The following TMX1 variants were observed in gnomAD, a reference collection of about 807,000 sequenced individuals.
TMX1 encodes the protein thioredoxin-related transmembrane protein 1.
Under a neutral mutation model 36.6 loss-of-function variants are expected in TMX1, and 25 were observed. That is an observed-to-expected ratio of 0.68 (90% CI 0.50 to 0.95). TMX1 has a LOEUF of 0.95. TMX1 is among the 40% of genes least tolerant of loss of function. TMX1 has a pLI of 0.00. For missense variants in TMX1, 347 were observed against 339.6 expected, an observed-to-expected ratio of 1.02 and a Z score of -0.17; for synonymous variants, 133 against 118.0, an observed-to-expected ratio of 1.13 and a Z score of -0.82.
intron 7 of TMX1, 65 bp downstream of exon 7, chr14:51,249,830 T>A: frequency 4.1e-6 from 5 of 1,226,472 alleles, no homozygotes; most frequent in Non-Finnish European, 4.6e-6. Context: ...GTAATCACAA[T>A]CACACATTTC....
At position 51,243,858 on chromosome 14, in the gene TMX1, A is replaced by G; in HGVS notation, c.155A>G (p.Tyr52Cys). Residue 52 changes from tyrosine to cysteine, a missense_variant and splice_region_variant, in exon 2 of 8, where the codon TAT becomes TGT. By Grantham distance (194) the Tyr-to-Cys change is radical. Coordinates refer to ENST00000457354, the MANE Select transcript of TMX1 (RefSeq NM_030755.5). ...AAAAAAAAATCTGTATTTCTTAGTT[A>G]TGCCCCGTGGTGCCCTGCTTGTCAA... ...LLEGDWMIEF[Y>C]APWCPACQNL... 6.2e-7 allele frequency: 1 copy of G among 1,603,856 alleles called. No homozygotes were observed. Among genetic ancestry groups the G allele is most frequent in the Middle Eastern group, 1.7e-4 (1 of 6,028 alleles).
chr14:51,245,845 T>G (rs2065783060), intron 3 of TMX1: 1 of 265,200 alleles, frequency 3.8e-6, no homozygotes, highest in Non-Finnish European at 7.4e-6. Flanking sequence ...AAAGTGCTGT[T>G]GTACAGCCTT....
chr14:51,241,715 G>A (rs2065762315), intron 1 of TMX1, among the ~76,000 whole-genome samples: 1 of 152,190 alleles, frequency 6.6e-6, no homozygotes, highest in East Asian at 1.9e-4. Flanking sequence ...ACAGGGTTCA[G>A]GTGAGTGTTT....
Position 51,249,552 on chromosome 14 carries a change from G to A in TMX1, c.574G>A (p.Gly192Arg), listed in dbSNP as rs768694076. ...TTTTGCTTTAGCAACTCTGTTTTCCGGACTGTTATTAGGACTCGTAAGTAT... is the reference window on the plus strand; with the variant it reads ...TTTTGCTTTAGCAACTCTGTTTTCCAGACTGTTATTAGGACTCGTAAGTAT... ...TVFALATLFS[G>R]LLLGLCMIFV... is the part of the protein sequence containing the mutation. The change falls in exon 6 of 8, where the codon GGA (glycine) becomes AGA (arginine). Residue 192 changes from glycine (G) to arginine (R), a missense_variant. Transcript: ENST00000457354. 2.5e-6 allele frequency: 4 copies of A among 1,613,214 alleles called. No homozygotes were observed. Among genetic ancestry groups the A allele is most frequent in the South Asian group, 1.1e-5 (1 of 90,992 alleles).
intron 1 of TMX1, among the ~76,000 whole-genome samples, chr14:51,240,948 G>A (rs5022336): frequency 1 from 152,258 of 152,300 alleles, 76,108 homozygotes; most frequent in Non-Finnish European, 1. Context: ...TTAATGGATT[G>A]GGTACGTTTC....
chr14:51,252,524 C>G (rs1426053078), intron 7 of TMX1, among the ~76,000 whole-genome samples: 1 of 152,016 alleles, frequency 6.6e-6, no homozygotes, highest in Non-Finnish European at 1.5e-5. Context: ...CATTATGACA[C>G]TTAGGAGATA....
chr14:51,253,298 TC>T (rs1298004073), intron 7 of TMX1, among the ~76,000 whole-genome samples: 1 of 152,226 alleles, frequency 6.6e-6, no homozygotes, highest in Admixed American at 6.5e-5. Flanking sequence ...TGTTAAGTGT[TC>T]CTTGAGGAGG....
intron 7 of TMX1, chr14:51,254,065 T>A (rs1458840597): frequency 1.3e-5 from 3 of 225,096 alleles, no homozygotes; most frequent in African/African-American, 6.9e-5. Context: ...ACTTCCATAT[T>A]CACAACATTA....
rs1463150742 is a variant in TMX1 at position 51,247,211 on chromosome 14, G to A, written c.434G>A (p.Gly145Asp). Reference sequence around the variant, plus strand: ...CCCGTTTCATCATGGTTTGGTCCAGGTTCTGTTCTGTAAGTATGAGGGCTT... The same window carrying A: ...CCCGTTTCATCATGGTTTGGTCCAGATTCTGTTCTGTAAGTATGAGGGCTT... ...IEPVSSWFGP[G>D]SVLMSSMSAL... The change falls in exon 4 of 8, where the codon GGT becomes GAT. Residue 145 changes from glycine to aspartate, a missense_variant. Coordinates refer to ENST00000457354, the MANE Select transcript of TMX1 (RefSeq NM_030755.5). The A allele has an allele frequency of 6.2e-7, 1 of 1,612,012 alleles. No individual in the cohort carries two copies. Among genetic ancestry groups the A allele is most frequent in the Non-Finnish European group, 8.5e-7 (1 of 1,179,210 alleles).
Position 51,245,311 on chromosome 14 carries a change from AG to A in TMX1, c.269del. On this transcript the variant is annotated splice_acceptor_variant, in intron 2 of 7. Coordinates refer to ENST00000457354, the MANE Select transcript of TMX1 (RefSeq NM_030755.5). LOFTEE classifies it high-confidence loss of function. The stretch of plus-strand genomic sequence containing the variant: ...AACCTGCTGTGTGTTCTTTATTTGT[AG>A]GACTGAGTGGACGGTTTATCATAAC... 1 of 1,613,790 alleles carries A rather than the reference AG, an allele frequency of 6.2e-7. No homozygotes were observed. Among genetic ancestry groups the A allele is most frequent in the East Asian group, 2.2e-5 (1 of 44,842 alleles).
intron 4 of TMX1, among the ~76,000 whole-genome samples, chr14:51,248,168 T>C (rs1350413537): frequency 6.6e-6 from 1 of 152,128 alleles, no homozygotes; most frequent in Non-Finnish European, 1.5e-5. Flanking sequence ...GTGATAAGGA[T>C]TGGAAGTAGC....
chr14:51,242,254 T>A (rs1474110195), intron 1 of TMX1, among the ~76,000 whole-genome samples: 1 of 152,232 alleles, frequency 6.6e-6, no homozygotes, highest in Admixed American at 6.5e-5. Context: ...GGAGAGGAAC[T>A]GTGACACTTT....
chr14:51,240,769 G>A (rs1210303986), intron 1 of TMX1, among the ~76,000 whole-genome samples: 2 of 152,130 alleles, frequency 1.3e-5, no homozygotes. Context: ...CGGGGAGGGA[G>A]GTGTCCGACT....
rs935362967 is a variant in TMX1 at position 51,247,123 on chromosome 14, G to A, written c.346G>A (p.Gly116Ser). 6.8e-6 allele frequency: 11 copies of A among 1,611,782 alleles called. No homozygotes were observed. The highest frequency in any genetic ancestry group is 8.5e-6 in the Non-Finnish European group (10 of 1,179,322). The stretch of plus-strand genomic sequence containing the variant: ...AGATGGTGAATTTAGGCGCTATCAG[G>A]GTCCAAGGACTAAGAAGGACTTCAT... ...CKDGEFRRYQ[G>S]PRTKKDFINF... The change falls in exon 4 of 8, where the codon GGT (glycine) becomes AGT (serine). Residue 116 changes from glycine to serine, a missense_variant. Transcript: ENST00000457354.
chr14:51,240,456 G>T lies in TMX1; in HGVS notation c.152+12G>T. Reference sequence around the variant, plus strand: ...TGGATGATAGAATTGTGAGTGCGGGGCGGCCAGGGTCCTACGTCCGTGCCT... The same window carrying T: ...TGGATGATAGAATTGTGAGTGCGGGTCGGCCAGGGTCCTACGTCCGTGCCT... On this transcript the variant is annotated intron_variant, in intron 1 of 7. Transcript: ENST00000457354. 1.2e-6 allele frequency: 2 copies of T among 1,612,540 alleles called. No individual in the cohort carries two copies. The highest frequency in any genetic ancestry group is 1.7e-6 in the Non-Finnish European group (2 of 1,179,340).
At chr14:51,254,244 A>T (rs1466810974) in intron 7 of TMX1, 97 bp from the exon 8 acceptor site, 5 of 1,037,478 alleles carry the variant, frequency 4.8e-6, no homozygotes, top group East Asian at 5.8e-5. Context: ...ATTTATGCCA[A>T]AGCAGTTTTG....
At chr14:51,248,447 G>T (rs932364189) in intron 4 of TMX1, among the ~76,000 whole-genome samples, 2 of 152,200 alleles carry the variant, frequency 1.3e-5, no homozygotes, top group Non-Finnish European at 2.9e-5. Flanking sequence ...CTCAATTTTG[G>T]ATCCTACTGT....
intron 7 of TMX1, 118 bp downstream of exon 7, chr14:51,249,883 G>C (rs1258373832): frequency 1.2e-5 from 9 of 728,908 alleles, no homozygotes; most frequent in African/African-American, 3.6e-5. Flanking sequence ...GTGGATTGTT[G>C]GTCTTTATCA....
Position 51,255,245 on chromosome 14 carries a change from T to C in TMX1, c.*726T>C, listed in dbSNP as rs2065833241. The C allele has an allele frequency of 6.6e-6, 1 of 152,068 alleles. No individual in the cohort carries two copies. The highest frequency in any genetic ancestry group is 6.5e-5 in the Admixed American group (1 of 15,282). The allele number at this position is 152,068 out of a possible 1,614,324, so 9.4% of individuals were successfully genotyped here. A position where few individuals can be genotyped will look rare whatever the true frequency, so the allele number is the denominator to read the frequency against. On this transcript the variant is annotated 3_prime_UTR_variant, in exon 8 of 8. Coordinates refer to ENST00000457354, the MANE Select transcript of TMX1 (RefSeq NM_030755.5). ...TGGATGATAATTTCTTGGAAACATT[T>C]TTTATGTTTTAGTAAACAGTATTTT...
Sources: allele counts gnomAD v4.1 joint callset (sites outside exome capture counted in the v4.1 genomes callset), GRCh38; gene constraint gnomAD v4.1.1; transcripts MANE v1.5; gene names NCBI Gene and HGNC (gene_info 2026-07-23, HGNC 2026-07-21).